TYW1B: variants seen among roughly 807,000 people sequenced by gnomAD.
The protein encoded by TYW1B is S-adenosyl-L-methionine-dependent tRNA 4-demethylwyosine synthase TYW1B.
TYW1B carries 73 observed loss-of-function variants against 86.9 expected under a neutral mutation model. The ratio of observed to expected loss-of-function variants is 0.84; its 90% CI spans 0.70 to 1.02. The LOEUF is 1.02. TYW1B is among the 50% of genes least tolerant of loss of function. TYW1B has a pLI of 0.00. For synonymous variants in TYW1B, 248 were observed against 292.8 expected (o/e 0.85, Z 1.56); for missense variants, 637 against 827.4 (o/e 0.77, Z 2.82).
chr7:72,789,387 C>T (rs1788181844), intron 6 of TYW1B, among the ~76,000 whole-genome samples: 1 of 152,126 alleles, frequency 6.6e-6, no homozygotes, highest in African/African-American at 2.4e-5. Flanking sequence ...CTGCCCGCCT[C>T]GGCCTCCCAA....
intron 8 of TYW1B, among the ~76,000 whole-genome samples, chr7:72,735,052 C>CA (rs1787174410): frequency 6.6e-6 from 1 of 152,052 alleles, no homozygotes; most frequent in Non-Finnish European, 1.5e-5. Flanking sequence ...GGAGATTCCT[C>CA]AAAAAACTAA....
At chr7:72,693,773 C>A (rs1375675777) in intron 11 of TYW1B, among the ~76,000 whole-genome samples, 3 of 151,800 alleles carry the variant, frequency 2.0e-5, no homozygotes, top group Non-Finnish European at 2.9e-5. Flanking sequence ...ATTCAACCAA[C>A]CATGGATGAA....
At position 72,828,063 on chromosome 7, in the gene TYW1B, T is replaced by A; in HGVS notation, c.4+9A>T. ...CGCCCCAGGGTCCTTGCCCGCCGAGTGCCCTTACCCATCCTCCTCAGAGCC... is the reference window on the plus strand; with the variant it reads ...CGCCCCAGGGTCCTTGCCCGCCGAGAGCCCTTACCCATCCTCCTCAGAGCC... On this transcript the variant is annotated intron_variant, in intron 1 of 13. Transcript: ENST00000620995. 1 of 1,613,930 alleles carries A rather than the reference T, an allele frequency of 6.2e-7. No individual in the cohort carries two copies. The highest frequency in any genetic ancestry group is 8.5e-7 in the Non-Finnish European group (1 of 1,179,936).
chr7:72,680,287 C>T (rs556558819), intron 11 of TYW1B, among the ~76,000 whole-genome samples: 1 of 152,252 alleles, frequency 6.6e-6, no homozygotes, highest in African/African-American at 2.4e-5. Context: ...ATCTAATCTA[C>T]CCCTCAGTCT....
At chr7:72,709,627 C>T (rs1255184290) in intron 10 of TYW1B, among the ~76,000 whole-genome samples, 3 of 152,072 alleles carry the variant, frequency 2.0e-5, no homozygotes, top group Admixed American at 1.3e-4. Flanking sequence ...GAGATGGCGC[C>T]ATTGCACTCT....
At chr7:72,753,808 T>C (rs541861533) in intron 7 of TYW1B, among the ~76,000 whole-genome samples, 5 of 152,284 alleles carry the variant, frequency 3.3e-5, no homozygotes, top group African/African-American at 1.2e-4. Context: ...AAATAAAGTA[T>C]ATTTTAATTA....
chr7:72,771,091 T>C (rs184471620), intron 7 of TYW1B, among the ~76,000 whole-genome samples: 111 of 150,886 alleles, frequency 7.4e-4, no homozygotes, highest in African/African-American at 2.4e-3. Flanking sequence ...GCCTCTCGAA[T>C]AGCTGGGATT....
intron 5 of TYW1B, among the ~76,000 whole-genome samples, chr7:72,805,734 A>AT (rs1207051422): frequency 6.6e-6 from 1 of 152,146 alleles, no homozygotes; most frequent in Non-Finnish European, 1.5e-5. Flanking sequence ...CAGTGGAGAA[A>AT]TGGTTGCTGG....
intron 13 of TYW1B, among the ~76,000 whole-genome samples, chr7:72,580,405 A>C (rs1183646183): frequency 1.3e-5 from 2 of 152,212 alleles, no homozygotes; most frequent in East Asian, 3.8e-4. Flanking sequence ...CACCCTGCTA[A>C]AAGAATCCCT....
intron 7 of TYW1B, among the ~76,000 whole-genome samples, chr7:72,765,590 C>T (rs1436131031): frequency 2.0e-5 from 3 of 152,122 alleles, no homozygotes; most frequent in South Asian, 2.1e-4. Flanking sequence ...CTCAGCCTCT[C>T]GAGTAGCTGA....
At chr7:72,737,177 G>C (rs1554461134) in intron 8 of TYW1B, among the ~76,000 whole-genome samples, 1 of 152,150 alleles carries the variant, frequency 6.6e-6, no homozygotes, top group Non-Finnish European at 1.5e-5. Context: ...TGCAAGAAAA[G>C]GACAATAACA....
At chr7:72,799,529 G>A (rs1406692357) in intron 6 of TYW1B, among the ~76,000 whole-genome samples, 4 of 150,984 alleles carry the variant, frequency 2.6e-5, no homozygotes, top group Admixed American at 1.3e-4. Context: ...GCAGTGGCGC[G>A]ATCTCGGCTC....
intron 2 of TYW1B, among the ~76,000 whole-genome samples, chr7:72,824,649 G>A (rs1554481125): frequency 2.0e-5 from 3 of 152,074 alleles, no homozygotes; most frequent in Non-Finnish European, 2.9e-5. Context: ...GCTGAGGCAG[G>A]AGAATTGCTC....
chr7:72,718,162 T>C (rs1439372401), intron 9 of TYW1B, among the ~76,000 whole-genome samples: 1 of 152,032 alleles, frequency 6.6e-6, no homozygotes, highest in Admixed American at 6.6e-5. Context: ...AACAAAATCA[T>C]GTCCTTTACA....
intron 7 of TYW1B, chr7:72,769,299 A>C (rs1180150784): frequency 2.0e-4 from 35 of 175,088 alleles, no homozygotes; most frequent in African/African-American, 2.4e-5. Context: ...GAGTTTTCCC[A>C]CAGAGATTAG....
chr7:72,810,925 A>C (rs1554478067), intron 3 of TYW1B, among the ~76,000 whole-genome samples: 2 of 151,938 alleles, frequency 1.3e-5, no homozygotes, highest in Non-Finnish European at 2.9e-5. Context: ...TCCAGACTAT[A>C]CATTCTCATC....
chr7:72,797,690 C>G (rs1390922245), intron 6 of TYW1B, among the ~76,000 whole-genome samples: 4 of 152,230 alleles, frequency 2.6e-5, no homozygotes, highest in Admixed American at 2.6e-4. Flanking sequence ...GCACTTCAGT[C>G]TGGATGAAGG....
At chr7:72,718,449 A>G (rs2129570809) in intron 9 of TYW1B, among the ~76,000 whole-genome samples, 1 of 152,310 alleles carries the variant, frequency 6.6e-6, no homozygotes, top group East Asian at 1.9e-4. Context: ...ATGCACATGT[A>G]CCCCAATACA....
At chr7:72,772,513 G>T (rs1355739834) in intron 7 of TYW1B, among the ~76,000 whole-genome samples, 1 of 151,994 alleles carries the variant, frequency 6.6e-6, no homozygotes, top group Non-Finnish European at 1.5e-5. Context: ...TCCAATTCTA[G>T]GAACTACATC....
Sources: gnomAD v4.1 joint callset for allele counts (sites outside exome capture counted in the v4.1 genomes callset) on GRCh38, gnomAD v4.1.1 for gene constraint, MANE v1.5 for transcripts, NCBI Gene and HGNC (gene_info 2026-07-23, HGNC 2026-07-21) for gene names.